The following SLC24A2 variants were observed in gnomAD, a reference collection of about 807,000 sequenced individuals.
SLC24A2 encodes the protein sodium/potassium/calcium exchanger 2.
Under a neutral mutation model 62.0 loss-of-function variants are expected in SLC24A2, and 36 were observed. The ratio of observed to expected loss-of-function variants is 0.58; its 90% CI spans 0.44 to 0.77. SLC24A2 has a LOEUF of 0.77. SLC24A2 is among the 30% of genes least tolerant of loss of function. The pLI, the probability that SLC24A2 is intolerant of heterozygous loss-of-function variation, is 0.00. For synonymous variants in SLC24A2, 358 were observed against 294.0 expected (o/e 1.22, Z -2.23); for missense variants, 846 against 817.9 (o/e 1.03, Z -0.42).
chr9:19,559,793 C>A (rs947030981), intron 7 of SLC24A2, among the ~76,000 whole-genome samples: 4 of 152,200 alleles, frequency 2.6e-5, no homozygotes, highest in African/African-American at 9.6e-5. Context: ...AAGTTATTCT[C>A]ACCTCCATTG....
chr9:20,162,638 GCATCAT>G, the SLC24A2 span, among the ~76,000 whole-genome samples: 22 of 152,014 alleles, frequency 1.4e-4, no homozygotes, highest in Non-Finnish European at 2.4e-4. Flanking sequence ...GATGAGGCCA[GCATCAT>G]CCTGATACCA....
the SLC24A2 span, among the ~76,000 whole-genome samples, chr9:19,869,105 C>T: frequency 6.6e-6 from 1 of 152,034 alleles, no homozygotes; most frequent in African/African-American, 2.4e-5. Context: ...CCTCAGCCTC[C>T]CAAGTAGCTG....
the SLC24A2 span, among the ~76,000 whole-genome samples, chr9:19,857,460 C>G: frequency 1.7e-4 from 26 of 152,314 alleles, no homozygotes; most frequent in African/African-American, 6.3e-4. Flanking sequence ...ATTATTCAGT[C>G]TATCACAACA....
the SLC24A2 span, among the ~76,000 whole-genome samples, chr9:20,120,652 C>T: frequency 6.6e-6 from 1 of 151,978 alleles, no homozygotes; most frequent in Non-Finnish European, 1.5e-5. Flanking sequence ...CCCCATGTAA[C>T]ATTTACCCAT....
the SLC24A2 span, among the ~76,000 whole-genome samples, chr9:19,989,898 G>A: frequency 6.6e-6 from 1 of 152,144 alleles, no homozygotes; most frequent in African/African-American, 2.4e-5. Context: ...ACTATGCAGA[G>A]AGGGAATGGA....
chr9:19,815,858 C>A, the SLC24A2 span, among the ~76,000 whole-genome samples: 20 of 149,602 alleles, frequency 1.3e-4, no homozygotes, highest in Non-Finnish European at 2.2e-4. Context: ...GAAATATGTA[C>A]AATAATTGTA....
the SLC24A2 span, among the ~76,000 whole-genome samples, chr9:19,879,649 A>C: frequency 6.6e-6 from 1 of 152,176 alleles, no homozygotes; most frequent in African/African-American, 2.4e-5. Context: ...ACATGGAAGA[A>C]AAAAGCCAGT....
At chr9:20,076,874 T>C in the SLC24A2 span, among the ~76,000 whole-genome samples, 10 of 118,756 alleles carry the variant, frequency 8.4e-5, no homozygotes, top group Non-Finnish European at 1.8e-4. Context: ...TATATATATA[T>C]ATATATACAT....
chr9:20,004,555 T>C, the SLC24A2 span, among the ~76,000 whole-genome samples: 24 of 152,354 alleles, frequency 1.6e-4, no homozygotes, highest in Non-Finnish European at 2.6e-4. Context: ...TTTTGTTTTA[T>C]TGAACAATGG....
chr9:20,081,093 G>A, the SLC24A2 span, among the ~76,000 whole-genome samples: 18 of 152,058 alleles, frequency 1.2e-4, no homozygotes, highest in South Asian at 2.1e-4. Context: ...ATCTAGAACT[G>A]GAAATACCAT....
chr9:19,816,766 C>T, the SLC24A2 span, among the ~76,000 whole-genome samples: 2 of 151,886 alleles, frequency 1.3e-5, no homozygotes, highest in Non-Finnish European at 2.9e-5. Flanking sequence ...AACCAGATCT[C>T]ATGAGAACTC....
rs1563927297 is a variant in SLC24A2, at chr9:19,519,348, C to CG, written c.1736+1545_1736+1546insC. Among the ~76,000 whole-genome samples the CG allele has an allele frequency of 3.6e-3, 382 of 105,200 alleles. 2 individuals carry two copies. The highest frequency in any genetic ancestry group is 0.014 in the African/African-American group (373 of 26,204). 69.0% of individuals were successfully genotyped at this position (105,200 alleles called of 152,430 possible). A position where few individuals can be genotyped will look rare whatever the true frequency, so the allele number is the denominator to read the frequency against. ...GAGTGATTTTTTTTCTTTAAACTTC[C>CG]TTGTGTGTGTGTGTGTGTGTGTGTG... On this transcript the variant is annotated intron_variant, in intron 10 of 10. Transcript: ENST00000341998.
chr9:19,757,150 A>G (rs1278406216), intron 2 of SLC24A2, among the ~76,000 whole-genome samples: 1 of 152,182 alleles, frequency 6.6e-6, no homozygotes, highest in South Asian at 2.1e-4. Context: ...CTCACAATTG[A>G]AACAACTGAC....
chr9:19,964,134 C>A, the SLC24A2 span, among the ~76,000 whole-genome samples: 1 of 148,442 alleles, frequency 6.7e-6, no homozygotes, highest in Non-Finnish European at 1.5e-5. Flanking sequence ...AAACCAAACA[C>A]CGCATGTTCT....
the SLC24A2 span, among the ~76,000 whole-genome samples, chr9:20,163,177 G>A: frequency 6.6e-6 from 1 of 152,126 alleles, no homozygotes; most frequent in African/African-American, 2.4e-5. Flanking sequence ...ACTAGGAAAA[G>A]AGGAAGTCAA....
At chr9:20,020,896 TTAAA>T in the SLC24A2 span, among the ~76,000 whole-genome samples, 1 of 152,174 alleles carries the variant, frequency 6.6e-6, no homozygotes, top group Non-Finnish European at 1.5e-5. Flanking sequence ...TCAACATCAT[TTAAA>T]TAAGGATATA....
chr9:19,731,075 T>C (rs1003352280), intron 2 of SLC24A2, among the ~76,000 whole-genome samples: 1 of 152,204 alleles, frequency 6.6e-6, no homozygotes, highest in African/African-American at 2.4e-5. Flanking sequence ...AACAAACTAG[T>C]ATACAACATA....
chr9:20,206,389 T>C, the SLC24A2 span, among the ~76,000 whole-genome samples: 1 of 152,272 alleles, frequency 6.6e-6, no homozygotes, highest in Admixed American at 6.5e-5. Context: ...TGTAAAACAA[T>C]GGCACTATTC....
intron 2 of SLC24A2, among the ~76,000 whole-genome samples, chr9:19,636,159 C>T (rs1818305877): frequency 1.3e-5 from 2 of 152,120 alleles, no homozygotes; most frequent in South Asian, 4.1e-4. Context: ...GACAAAAGTA[C>T]CCATTTGCTG....
Sources: gnomAD v4.1 joint callset for allele counts (sites outside exome capture counted in the v4.1 genomes callset) on GRCh38, gnomAD v4.1.1 for gene constraint, MANE v1.5 for transcripts, NCBI Gene and HGNC (gene_info 2026-07-23, HGNC 2026-07-21) for gene names.